ST18: variants seen among roughly 807,000 people sequenced by gnomAD.
The protein encoded by ST18 is ST18 C2H2C-type zinc finger transcription factor.
ST18 carries 50 observed loss-of-function variants against 110.0 expected under a neutral mutation model. The ratio of observed to expected loss-of-function variants is 0.45; its 90% CI spans 0.36 to 0.58. ST18 has a LOEUF of 0.58. Among genes scored for constraint, ST18 ranks in the 20% least tolerant of loss-of-function variants. ST18 has a pLI of 0.00. For synonymous variants in ST18, 461 were observed against 452.4 expected (o/e 1.02, Z -0.24); for missense variants, 1,306 against 1,280.1 (o/e 1.02, Z -0.31).
chr8:52,301,236 C>T (rs940693209), intron 2 of ST18, among the ~76,000 whole-genome samples: 1 of 152,016 alleles, frequency 6.6e-6, no homozygotes, highest in Non-Finnish European at 1.5e-5. Flanking sequence ...ATTAGAAAAA[C>T]AATCTTTTCA....
chr8:52,122,472 ATTATTTAT>A (rs572146466), intron 23 of ST18, among the ~76,000 whole-genome samples: 10 of 151,558 alleles, frequency 6.6e-5, no homozygotes, highest in African/African-American at 2.4e-5. Flanking sequence ...GTGAACTTCT[ATTATTTAT>A]TTATTTATTT....
intron 2 of ST18, among the ~76,000 whole-genome samples, chr8:52,366,037 A>C (rs556385590): frequency 1.3e-5 from 2 of 152,108 alleles, no homozygotes; most frequent in African/African-American, 4.8e-5. Flanking sequence ...GGAAATTATC[A>C]TCATTGCTCC....
At position 52,132,713 on chromosome 8, in the gene ST18, T is replaced by C. The variant is rs112518529; in HGVS notation, c.2444+344A>G. Reference sequence around the variant, plus strand: ...CCTTTCTTAGAGGAAGGAATTCAATTTAGATATAATTTCACCTTAAGCAAA... The same window carrying C: ...CCTTTCTTAGAGGAAGGAATTCAATCTAGATATAATTTCACCTTAAGCAAA... On this transcript the variant is annotated intron_variant, in intron 21 of 25. Transcript: ENST00000689386. Among the ~76,000 whole-genome samples, 140 of 152,300 alleles carry C rather than the reference T, an allele frequency of 9.2e-4. 1 individual carries two copies. Among genetic ancestry groups the C allele is most frequent in the African/African-American group, 3.1e-3 (128 of 41,578 alleles).
chr8:52,332,530 CTTTTTTTTTTTTTTTTTT>C (rs140331895), intron 2 of ST18, among the ~76,000 whole-genome samples: 1 of 49,768 alleles, frequency 2.0e-5, no homozygotes, highest in South Asian at 1.2e-3. Flanking sequence ...TCTAATGTAG[CTTTTTTTTTTTTTTTTTT>C]TTTTTTTTTT....
At chr8:52,295,011 TAAAAG>T (rs1400546428) in intron 2 of ST18, among the ~76,000 whole-genome samples, 1 of 152,154 alleles carries the variant, frequency 6.6e-6, no homozygotes, top group Non-Finnish European at 1.5e-5. Flanking sequence ...AGAATGAAAA[TAAAAG>T]GAGATGGATA....
chr8:52,209,784 AAAAAATAT>A (rs1473764961), intron 8 of ST18, among the ~76,000 whole-genome samples: 4 of 138,238 alleles, frequency 2.9e-5, no homozygotes, highest in African/African-American at 1.1e-4. Context: ...AAAAAAAAAA[AAAAAATAT>A]ATATATATAT....
intron 2 of ST18, among the ~76,000 whole-genome samples, chr8:52,357,437 T>C (rs1319904276): frequency 2.6e-5 from 4 of 151,414 alleles, no homozygotes; most frequent in Non-Finnish European, 5.9e-5. Context: ...TATAAAAGAC[T>C]CACTTTAGAT....
At chr8:52,130,123 G>GA (rs1277881014) in intron 22 of ST18, among the ~76,000 whole-genome samples, 34 of 91,008 alleles carry the variant, frequency 3.7e-4, no homozygotes, top group Non-Finnish European at 5.3e-4. Context: ...AGAAAGAAAA[G>GA]AAAGAAAGAA....
At chr8:52,200,683 G>T (rs1384363732) in intron 8 of ST18, among the ~76,000 whole-genome samples, 1 of 152,164 alleles carries the variant, frequency 6.6e-6, no homozygotes, top group East Asian at 1.9e-4. Context: ...TGGCTTAGGG[G>T]CCTAGTGACA....
chr8:52,181,628 T>C (rs2069615825), intron 8 of ST18, among the ~76,000 whole-genome samples: 1 of 152,182 alleles, frequency 6.6e-6, no homozygotes, highest in African/African-American at 2.4e-5. Context: ...AAAACTTCTC[T>C]GATGAACCTA....
At chr8:52,349,105 T>G (rs984495845) in intron 2 of ST18, among the ~76,000 whole-genome samples, 1 of 152,166 alleles carries the variant, frequency 6.6e-6, no homozygotes, top group African/African-American at 2.4e-5. Context: ...TTCCATGCCT[T>G]GCTCGTTTTT....
intron 2 of ST18, among the ~76,000 whole-genome samples, chr8:52,392,140 G>A (rs944999529): frequency 6.6e-6 from 1 of 152,220 alleles, no homozygotes; most frequent in East Asian, 1.9e-4. Flanking sequence ...GTATGGAGTT[G>A]AGGGTAAACC....
intron 2 of ST18, among the ~76,000 whole-genome samples, chr8:52,261,834 G>T (rs1367073776): frequency 6.6e-6 from 1 of 152,102 alleles, no homozygotes; most frequent in Non-Finnish European, 1.5e-5. Flanking sequence ...TCTCATTCCA[G>T]GTCATCCTAT....
chr8:52,230,777 T>C (rs986920310), intron 2 of ST18, among the ~76,000 whole-genome samples: 1 of 151,502 alleles, frequency 6.6e-6, no homozygotes, highest in South Asian at 2.1e-4. Flanking sequence ...GGTTCACCAC[T>C]AGTAGATATA....
intron 2 of ST18, among the ~76,000 whole-genome samples, chr8:52,382,688 C>T (rs1304523495): frequency 6.6e-6 from 1 of 151,090 alleles, no homozygotes; most frequent in Admixed American, 6.6e-5. Context: ...CCGAGGAGTA[C>T]AGTCACTGTG....
chr8:52,355,053 G>A (rs1822076667), intron 2 of ST18, among the ~76,000 whole-genome samples: 3 of 152,196 alleles, frequency 2.0e-5, no homozygotes, highest in Admixed American at 1.3e-4. Context: ...CAGCAGCACA[G>A]GGGTATTGGC....
intron 5 of ST18, among the ~76,000 whole-genome samples, chr8:52,218,880 G>GGAA (rs936592024): frequency 2.7e-4 from 41 of 152,228 alleles, no homozygotes; most frequent in African/African-American, 9.4e-4. Flanking sequence ...AATGGTGGGA[G>GGAA]GAAGATCTGT....
Position 52,392,037 on chromosome 8 carries a change from C to A in ST18, c.-465+17291G>T, listed in dbSNP as rs192244735. On this transcript the variant is annotated intron_variant, in intron 2 of 25. Coordinates refer to ENST00000689386, the MANE Select transcript of ST18 (RefSeq NM_001352837.2). ...GATCCATCAATGACTAGCTGTTTAA[C>A]CTCGGAAAGCTACTTAGCCTCTCTG... Among the ~76,000 whole-genome samples, 13 of 152,292 alleles carry A rather than the reference C, an allele frequency of 8.5e-5. 1 individual carries two copies. Among genetic ancestry groups the A allele is most frequent in the East Asian group, 3.9e-4 (2 of 5,182 alleles).
chr8:52,214,129 G>C, intron 7 of ST18, 74 bp downstream of exon 7: 2 of 1,449,914 alleles, frequency 1.4e-6, no homozygotes, highest in Non-Finnish European at 9.7e-7. Flanking sequence ...CTGCACACGA[G>C]GGACTGAGCA....
Sources: gnomAD v4.1 joint callset for allele counts (sites outside exome capture counted in the v4.1 genomes callset) on GRCh38, gnomAD v4.1.1 for gene constraint, MANE v1.5 for transcripts, NCBI Gene and HGNC (gene_info 2026-07-23, HGNC 2026-07-21) for gene names.